Variants in CDH12 observed in about 807,000 individuals in gnomAD.
CDH12 encodes the protein cadherin 12.
Under a neutral mutation model 74.1 loss-of-function variants are expected in CDH12, and 41 were observed. That is an observed-to-expected ratio of 0.55 (90% confidence interval 0.43 to 0.72). The LOEUF (loss-of-function observed/expected upper bound fraction) is 0.72, where lower values mean the gene tolerates loss of function less well. Ranked by LOEUF, CDH12 falls within the 30% of genes least tolerant of loss-of-function variation. CDH12 has a pLI of 0.00. For synonymous variants in CDH12, 399 were observed against 355.0 expected, an observed-to-expected ratio of 1.12 and a Z score of -1.39; for missense variants, 945 against 977.2, an observed-to-expected ratio of 0.97 and a Z score of 0.44.
chr5:22,424,002 C>CAAAAAAAAAAAAAAA (rs1165781089), intron 2 of CDH12, among the ~76,000 whole-genome samples: 33 of 31,222 alleles, frequency 1.1e-3, no homozygotes, highest in Non-Finnish European at 1.3e-3. Context: ...GACTCTGTCT[C>CAAAAAAAAAAAAAAA]AAAAAAAAAA....
chr5:22,200,306 G>A lies in CDH12; in HGVS notation c.-187+12192C>T, dbSNP rs182471387. Among the ~76,000 whole-genome samples the A allele has an allele frequency of 2.3e-4, 35 of 152,174 alleles. No individual in the cohort carries two copies. In the South Asian group the frequency reaches 4.2e-3, roughly 18 times the overall value. On this transcript the variant is annotated intron_variant, in intron 4 of 14. Transcript: ENST00000382254. The stretch of plus-strand genomic sequence containing the variant: ...ACACTTCTCTGAAGATCAAAAAGCC[G>A]GAGAATAGGAATTAGTGTAGCTCCC...
At chr5:22,116,652 C>T (rs377541601) in intron 4 of CDH12, among the ~76,000 whole-genome samples, 175 of 151,790 alleles carry the variant, frequency 1.2e-3, no homozygotes, top group African/African-American at 4.1e-3. Context: ...AAGTGTAGCC[C>T]GGGCCAATAC....
At chr5:22,559,641 A>C (rs2126746898) in intron 1 of CDH12, among the ~76,000 whole-genome samples, 1 of 152,204 alleles carries the variant, frequency 6.6e-6, no homozygotes, top group African/African-American at 2.4e-5. Context: ...AACAAGGATC[A>C]ATTTTCATGT....
intron 5 of CDH12, among the ~76,000 whole-genome samples, chr5:22,028,621 G>C (rs868816522): frequency 5.3e-5 from 8 of 152,076 alleles, no homozygotes; most frequent in South Asian, 2.1e-4. Context: ...AGGATACAAA[G>C]AAATGGAAGA....
intron 4 of CDH12, among the ~76,000 whole-genome samples, chr5:22,200,982 C>A (rs1476187085): frequency 1.3e-5 from 2 of 152,148 alleles, no homozygotes; most frequent in Admixed American, 1.3e-4. Flanking sequence ...AACATTTGCA[C>A]TCCACTTGTA....
intron 4 of CDH12, among the ~76,000 whole-genome samples, chr5:22,205,094 A>C (rs938211638): frequency 6.6e-6 from 1 of 152,262 alleles, no homozygotes; most frequent in Non-Finnish European, 1.5e-5. Context: ...CAATGAACAA[A>C]TATGGTTGAA....
intron 1 of CDH12, among the ~76,000 whole-genome samples, chr5:22,621,475 A>C (rs766673270): frequency 2.6e-5 from 4 of 150,958 alleles, no homozygotes; most frequent in Non-Finnish European, 5.9e-5. Flanking sequence ...AACCTGAAAA[A>C]TCTTAGAAAA....
chr5:22,194,355 C>T (rs1427665477), intron 4 of CDH12, among the ~76,000 whole-genome samples: 1 of 147,146 alleles, frequency 6.8e-6, no homozygotes, highest in African/African-American at 2.5e-5. Context: ...TTTTTGAGAC[C>T]GAGTCTCACT....
At chr5:22,413,670 G>A (rs1414938741) in intron 2 of CDH12, among the ~76,000 whole-genome samples, 1 of 152,002 alleles carries the variant, frequency 6.6e-6, no homozygotes, top group South Asian at 2.1e-4. Context: ...AGGCAAAATT[G>A]TGTTTTAAAA....
chr5:22,234,523 A>G (rs1752493654), intron 3 of CDH12, among the ~76,000 whole-genome samples: 2 of 151,602 alleles, frequency 1.3e-5, no homozygotes, highest in Admixed American at 6.6e-5. Flanking sequence ...GTGGACCTGT[A>G]AGTCCAATTA....
At position 22,419,993 on chromosome 5, in the gene CDH12, G is replaced by T. The variant is rs566076623; in HGVS notation, c.-427-14642C>A. Among the ~76,000 whole-genome samples, 326 of 151,204 alleles carry T rather than the reference G, an allele frequency of 2.2e-3. 3 individuals carry two copies. In the South Asian group the frequency reaches 0.044, roughly 20 times the overall value. On this transcript the variant is annotated intron_variant, in intron 2 of 14. Coordinates refer to ENST00000382254, the MANE Select transcript of CDH12 (RefSeq NM_004061.5). ...TGTCCTTTGCCCATATTTTAATGGG[G>T]TTTTTTTTTGTTTGTTTGTTTGTTT...
At chr5:21,973,938 C>A (rs1756959115) in intron 6 of CDH12, among the ~76,000 whole-genome samples, 1 of 151,960 alleles carries the variant, frequency 6.6e-6, no homozygotes, top group African/African-American at 2.4e-5. Context: ...AGATTTGCAG[C>A]CTTGGGTATC....
intron 1 of CDH12, among the ~76,000 whole-genome samples, chr5:22,763,675 A>T (rs1446888027): frequency 6.6e-6 from 1 of 151,834 alleles, no homozygotes; most frequent in Non-Finnish European, 1.5e-5. Flanking sequence ...TTAAAGATGG[A>T]CTCATGGGCT....
At chr5:21,867,696 T>C (rs935713125) in intron 6 of CDH12, among the ~76,000 whole-genome samples, 2 of 152,246 alleles carry the variant, frequency 1.3e-5, no homozygotes, top group African/African-American at 4.8e-5. Flanking sequence ...ACTAATTTGC[T>C]TTTGATTTTA....
chr5:22,076,551 G>A (rs1290699078), intron 5 of CDH12, among the ~76,000 whole-genome samples: 1 of 152,060 alleles, frequency 6.6e-6, no homozygotes, highest in Non-Finnish European at 1.5e-5. Flanking sequence ...CTATGTTGCA[G>A]ACTTTTAGAT....
At chr5:22,841,083 G>A (rs961134947) in intron 1 of CDH12, among the ~76,000 whole-genome samples, 1 of 152,184 alleles carries the variant, frequency 6.6e-6, no homozygotes, top group African/African-American at 2.4e-5. Flanking sequence ...TTACCAGACA[G>A]GTGACATGAT....
At chr5:22,760,933 T>C (rs1414966474) in intron 1 of CDH12, among the ~76,000 whole-genome samples, 2 of 152,162 alleles carry the variant, frequency 1.3e-5, no homozygotes, top group Non-Finnish European at 2.9e-5. Context: ...TATTGACAAT[T>C]ATTTTGTTCC....
At chr5:22,759,199 A>G (rs1746081334) in intron 1 of CDH12, among the ~76,000 whole-genome samples, 1 of 146,594 alleles carries the variant, frequency 6.8e-6, no homozygotes. Context: ...GCAGTCTCAG[A>G]AAAAAAAAAC....
chr5:22,046,430 C>CTTTTTTTTTTTTTTTTTTTTTTTTTT (rs11323330), intron 5 of CDH12, among the ~76,000 whole-genome samples: 2 of 100,420 alleles, frequency 2.0e-5, no homozygotes, highest in African/African-American at 8.5e-5. Flanking sequence ...CATTTAATTT[C>CTTTTTTTTTTTTTTTTTTTTTTTTTT]TTTTTTTTTT....
Sources: allele counts gnomAD v4.1 joint callset (sites outside exome capture counted in the v4.1 genomes callset), GRCh38; gene constraint gnomAD v4.1.1; transcripts MANE v1.5; gene names NCBI Gene and HGNC (gene_info 2026-07-23, HGNC 2026-07-21).